FIG4: variants seen among roughly 807,000 people sequenced by gnomAD.
FIG4 encodes polyphosphoinositide phosphatase.
Under a neutral mutation model 118.6 loss-of-function variants are expected in FIG4, and 112 were observed. That is an observed-to-expected ratio of 0.94 (90% CI 0.81 to 1.11). The LOEUF (loss-of-function observed/expected upper bound fraction) is 1.11. Ranked by LOEUF, FIG4 falls within the 50% of genes least tolerant of loss-of-function variation. FIG4 has a pLI of 0.00. For synonymous variants in FIG4, 369 were observed against 381.2 expected (o/e 0.97, Z 0.37); for missense variants, 969 against 1,111.7 (o/e 0.87, Z 1.83).
intron 16 of FIG4, among the ~76,000 whole-genome samples, chr6:109,781,879 C>G (rs1168361051): frequency 6.6e-6 from 1 of 151,368 alleles, no homozygotes; most frequent in African/African-American, 2.4e-5. Context: ...CCACAGACAA[C>G]TCCTTCCACA....
intron 22 of FIG4, among the ~76,000 whole-genome samples, chr6:109,815,572 T>TGCC (rs1778840804): frequency 7.6e-6 from 1 of 132,196 alleles, no homozygotes; most frequent in Non-Finnish European, 1.5e-5. Flanking sequence ...TGTCACAGGC[T>TGCC]GCCTCTCCAT....
At chr6:109,792,417 A>C (rs1360385332) in intron 20 of FIG4, among the ~76,000 whole-genome samples, 165 bp from the exon 21 acceptor site, 3 of 152,270 alleles carry the variant, frequency 2.0e-5, no homozygotes, top group African/African-American at 7.2e-5. Flanking sequence ...AATGGAAATC[A>C]AAATTTTTTA....
rs746703726 is a variant in FIG4 at position 109,691,499 on chromosome 6, G to A, written c.64G>A (p.Ala22Thr). ...GAAGCTGGTTCTGTATGAGACTAGAGCTGTGAGTACCCCCTCGCGGCGGGG... is the reference window on the plus strand; with the variant it reads ...GAAGCTGGTTCTGTATGAGACTAGAACTGTGAGTACCCCCTCGCGGCGGGG... ...VQKLVLYETRARYFLVGSNNA... is the reference protein window; with the variant it reads ...VQKLVLYETRTRYFLVGSNNA... Residue 22 changes from alanine to threonine, a missense_variant and splice_region_variant, in exon 1 of 23, where the codon GCT becomes ACT. This residue lies in a region of FIG4 where 393 missense variants were observed against 409.4 expected (regional missense o/e 0.96). Transcript: ENST00000230124. 1.9e-6 allele frequency: 3 copies of A among 1,578,420 alleles called. No homozygotes were observed. Among genetic ancestry groups the A allele is most frequent in the Middle Eastern group, 1.7e-4 (1 of 6,030 alleles).
At chr6:109,810,486 T>C (rs1023341684) in intron 22 of FIG4, among the ~76,000 whole-genome samples, 18 of 152,174 alleles carry the variant, frequency 1.2e-4, no homozygotes, top group Admixed American at 8.5e-4. Flanking sequence ...GGTTCATTTA[T>C]TCCCTTGCTC....
At chr6:109,811,284 A>G (rs139717275) in intron 22 of FIG4, among the ~76,000 whole-genome samples, 12 of 152,316 alleles carry the variant, frequency 7.9e-5, no homozygotes, top group Admixed American at 3.3e-4. Context: ...TCTAACAACC[A>G]GAGCTATTGA....
At chr6:109,730,205 C>T (rs192465741) in intron 4 of FIG4, among the ~76,000 whole-genome samples, 11 of 151,968 alleles carry the variant, frequency 7.2e-5, no homozygotes, top group East Asian at 5.8e-4. Flanking sequence ...CATGCCACCA[C>T]GCCTGACTAA....
intron 10 of FIG4, among the ~76,000 whole-genome samples, chr6:109,746,611 G>A (rs1427548541): frequency 6.6e-6 from 1 of 152,092 alleles, no homozygotes; most frequent in Non-Finnish European, 1.5e-5. Context: ...CTAAAGAGAT[G>A]GTTATGGCCA....
At chr6:109,755,693 G>C (rs576427185) in intron 10 of FIG4, among the ~76,000 whole-genome samples, 38 of 152,166 alleles carry the variant, frequency 2.5e-4, no homozygotes, top group African/African-American at 7.2e-4. Context: ...TTATGTAATG[G>C]CCTCCTTTGT....
At chr6:109,761,443 T>A (rs1180495540) in intron 11 of FIG4, among the ~76,000 whole-genome samples, 1 of 152,148 alleles carries the variant, frequency 6.6e-6, no homozygotes, top group East Asian at 1.9e-4. Context: ...TGGAGTGCAG[T>A]GGCGCAATCT....
At chr6:109,807,795 G>A (rs1173921565) in intron 22 of FIG4, among the ~76,000 whole-genome samples, 1 of 152,136 alleles carries the variant, frequency 6.6e-6, no homozygotes, top group Non-Finnish European at 1.5e-5. Flanking sequence ...TAAGGTGTAA[G>A]GAAGGGGTCC....
chr6:109,815,885 TTTTTGAC>T (rs1778850019), intron 22 of FIG4, among the ~76,000 whole-genome samples: 1 of 152,186 alleles, frequency 6.6e-6, no homozygotes, highest in East Asian at 1.9e-4. Flanking sequence ...TCAGTTTTCA[TTTTTGAC>T]TTTTGACTAC....
chr6:109,801,062 T>G (rs553862428), intron 22 of FIG4, among the ~76,000 whole-genome samples: 2 of 152,306 alleles, frequency 1.3e-5, no homozygotes, highest in South Asian at 4.1e-4. Context: ...ACTAAGCCAA[T>G]CAGTGGTAGG....
At chr6:109,702,185 G>A (rs1375791251) in intron 1 of FIG4, among the ~76,000 whole-genome samples, 1 of 152,152 alleles carries the variant, frequency 6.6e-6, no homozygotes, top group Non-Finnish European at 1.5e-5. Flanking sequence ...TTTCAAGAAG[G>A]CTGATTTTCC....
At chr6:109,771,333 C>A (rs1343641397) in intron 15 of FIG4, among the ~76,000 whole-genome samples, 3 of 152,122 alleles carry the variant, frequency 2.0e-5, no homozygotes, top group African/African-American at 7.2e-5. Flanking sequence ...TCATTCTTCC[C>A]CTCTCCAAAA....
intron 1 of FIG4, among the ~76,000 whole-genome samples, chr6:109,705,081 T>A (rs919677223): frequency 1.3e-5 from 2 of 152,120 alleles, no homozygotes; most frequent in Admixed American, 1.3e-4. Flanking sequence ...TCTGTTGTCT[T>A]TGAAGATTTT....
chr6:109,716,685 C>T (rs986151600), intron 3 of FIG4, 117 bp downstream of exon 3: 18 of 1,245,716 alleles, frequency 1.4e-5, no homozygotes, highest in South Asian at 1.3e-4. Context: ...TTACCTGTAG[C>T]TTTGGTTATT....
intron 11 of FIG4, 75 bp from the exon 12 acceptor site, chr6:109,762,016 C>G: frequency 1.2e-6 from 1 of 863,282 alleles, no homozygotes; most frequent in Non-Finnish European, 2.0e-6. Context: ...ATAGACTTTA[C>G]TGGCTTTAGA....
At chr6:109,754,401 C>T (rs1776813066) in intron 10 of FIG4, among the ~76,000 whole-genome samples, 1 of 152,142 alleles carries the variant, frequency 6.6e-6, no homozygotes, top group African/African-American at 2.4e-5. Context: ...CTAAAATTCT[C>T]TTTTTTGGTT....
chr6:109,783,385 A>C (rs1777860925), intron 16 of FIG4, among the ~76,000 whole-genome samples: 1 of 152,194 alleles, frequency 6.6e-6, no homozygotes, highest in Non-Finnish European at 1.5e-5. Flanking sequence ...AAGATTATAG[A>C]TCTCAGCTAC....
Sources: allele counts gnomAD v4.1 joint callset (sites outside exome capture counted in the v4.1 genomes callset), GRCh38; gene constraint gnomAD v4.1.1; regional missense constraint gnomAD v4.1.1; transcripts MANE v1.5; gene names NCBI Gene and HGNC (gene_info 2026-07-23, HGNC 2026-07-21).